The following APBA2 variants were observed in gnomAD, a reference collection of about 807,000 sequenced individuals.
APBA2 encodes the protein amyloid beta precursor protein binding family A member 2.
Under a neutral mutation model 75.0 loss-of-function variants are expected in APBA2, and 30 were observed. That is an observed-to-expected ratio of 0.40 (90% CI 0.30 to 0.54). The LOEUF (loss-of-function observed/expected upper bound fraction) is 0.54. Among genes scored for constraint, APBA2 ranks in the 20% least tolerant of loss-of-function variants. APBA2 has a pLI of 0.49. For missense variants in APBA2, 801 were observed against 1,016.1 expected (o/e 0.79, Z 2.88); for synonymous variants, 444 against 409.6 (o/e 1.08, Z -1.01).
rs55749257 is a variant in APBA2 at position 28,927,247 on chromosome 15, C to T, written c.-95+5498C>T. ...CCTCTATAGATAAGGTGTTTCCCTA[C>T]CCCGCTGGTCATTTGCCTTAGTCAT... On this transcript the variant is annotated intron_variant, in intron 2 of 14. Coordinates refer to ENST00000683413, the MANE Select transcript of APBA2 (RefSeq NM_001353788.2). 4.2e-3 allele frequency among the ~76,000 whole-genome samples: 632 copies of T among 152,168 alleles called. 5 individuals are homozygous for T. The highest frequency in any genetic ancestry group is 0.027 in the Middle Eastern group (8 of 294).
intron 3 of APBA2, among the ~76,000 whole-genome samples, chr15:29,023,671 G>A (rs1405778688): frequency 6.6e-6 from 1 of 151,726 alleles, no homozygotes; most frequent in Non-Finnish European, 1.5e-5. Flanking sequence ...GGCCAGGCTG[G>A]TCTTGAACTC....
chr15:29,080,811 G>A (rs527595495), intron 6 of APBA2, among the ~76,000 whole-genome samples: 2 of 152,288 alleles, frequency 1.3e-5, no homozygotes, highest in South Asian at 2.1e-4. Context: ...AAGCAATGGG[G>A]CCTAACAGTG....
At position 28,885,983 on chromosome 15, in the gene APBA2, G is replaced by C. The variant is rs1475940668; in HGVS notation, c.-500G>C. 3 of 151,130 alleles carry C rather than the reference G, an allele frequency of 2.0e-5. No homozygotes were observed. The highest frequency in any genetic ancestry group is 2.0e-4 in the Admixed American group (3 of 15,172). The allele number at this position is 151,130 out of a possible 1,614,324, so 9.4% of individuals were successfully genotyped here. A position where few individuals can be genotyped will look rare whatever the true frequency, so the allele number is the denominator to read the frequency against. On this transcript the variant is annotated 5_prime_UTR_variant, in exon 1 of 15. Coordinates refer to ENST00000683413, the MANE Select transcript of APBA2 (RefSeq NM_001353788.2). ...ATCGTTTTCCGGCCCCAGTGTGCCC[G>C]GCGCGGGTGAGGCGGAAGCGGCCGG... is the stretch of plus-strand genomic sequence containing the variant.
intron 2 of APBA2, among the ~76,000 whole-genome samples, chr15:28,978,035 CCAAA>C (rs2037432236): frequency 6.6e-6 from 1 of 152,148 alleles, no homozygotes; most frequent in Non-Finnish European, 1.5e-5. Flanking sequence ...ATGGGGAAAA[CCAAA>C]CAATCTCTCA....
intron 2 of APBA2, among the ~76,000 whole-genome samples, chr15:28,963,331 C>T (rs1041339875): frequency 3.3e-5 from 5 of 152,174 alleles, no homozygotes; most frequent in South Asian, 4.1e-4. Context: ...AGCTCAGGCC[C>T]GGCAGGGGCA....
intron 4 of APBA2, among the ~76,000 whole-genome samples, chr15:29,065,981 G>A (rs562638891): frequency 1.3e-5 from 2 of 152,318 alleles, no homozygotes; most frequent in South Asian, 2.1e-4. Context: ...CGGGTGTGAC[G>A]TCAGGGTGGA....
chr15:29,024,929 C>T (rs1019051010), intron 3 of APBA2, among the ~76,000 whole-genome samples: 14 of 152,110 alleles, frequency 9.2e-5, no homozygotes, highest in African/African-American at 3.4e-4. Flanking sequence ...GTGGACGGTT[C>T]CCATTCCACT....
chr15:29,075,041 T>C, intron 5 of APBA2, 40 bp downstream of exon 5: 2 of 1,447,508 alleles, frequency 1.4e-6, no homozygotes, highest in Non-Finnish European at 9.7e-7. Context: ...GCTGGAACAC[T>C]CATCTAATGA....
intron 2 of APBA2, among the ~76,000 whole-genome samples, chr15:28,942,924 G>A (rs2035318532): frequency 6.6e-6 from 1 of 152,228 alleles, no homozygotes; most frequent in African/African-American, 2.4e-5. Flanking sequence ...GCTCCTTCCT[G>A]GGCCTCGGTT....
intron 3 of APBA2, among the ~76,000 whole-genome samples, chr15:29,033,377 C>G (rs893216708): frequency 3.3e-5 from 5 of 152,100 alleles, no homozygotes; most frequent in African/African-American, 4.8e-5. Flanking sequence ...ATTAATAGTT[C>G]CCTGTGCCTT....
intron 2 of APBA2, among the ~76,000 whole-genome samples, chr15:28,925,568 T>G (rs983595072): frequency 6.6e-6 from 1 of 152,218 alleles, no homozygotes; most frequent in African/African-American, 2.4e-5. Context: ...AAAATACTTG[T>G]TAAGGTGTAC....
At chr15:29,064,229 C>G (rs1423237893) in intron 4 of APBA2, among the ~76,000 whole-genome samples, 1 of 152,148 alleles carries the variant, frequency 6.6e-6, no homozygotes, top group African/African-American at 2.4e-5. Context: ...GATAGCCAAG[C>G]CTCTCTTAAC....
rs73364799 is a variant in APBA2 at position 28,920,093 on chromosome 15, T to G, written c.-204-1547T>G. Among the ~76,000 whole-genome samples the G allele has an allele frequency of 5.1e-3, 769 of 152,248 alleles. 9 individuals are homozygous for G. The highest frequency in any genetic ancestry group is 0.018 in the African/African-American group (741 of 41,538). On this transcript the variant is annotated intron_variant, in intron 1 of 14. Transcript: ENST00000683413. ...TGCAGTCTATAAACTGTGTGCCCTC[T>G]CGGGGCCAGGTAGGAGCCTGAGAGG...
intron 2 of APBA2, among the ~76,000 whole-genome samples, chr15:28,984,298 G>A (rs1031002478): frequency 2.6e-5 from 4 of 152,052 alleles, no homozygotes; most frequent in Non-Finnish European, 5.9e-5. Flanking sequence ...GAGCCGGTGT[G>A]TGTTTCCCAC....
intron 2 of APBA2, among the ~76,000 whole-genome samples, chr15:28,922,376 G>A (rs758955276): frequency 2.0e-5 from 3 of 152,188 alleles, no homozygotes; most frequent in Non-Finnish European, 2.9e-5. Context: ...AGACACTGGT[G>A]GCCACCACAG....
At chr15:29,115,777 C>T (rs912537022) in intron 14 of APBA2, among the ~76,000 whole-genome samples, 44 of 152,172 alleles carry the variant, frequency 2.9e-4, no homozygotes, top group Admixed American at 2.6e-3. Flanking sequence ...GCAGCGGAAA[C>T]CTACATCGGC....
intron 2 of APBA2, among the ~76,000 whole-genome samples, chr15:28,994,658 T>C (rs2038414210): frequency 6.6e-6 from 1 of 152,180 alleles, no homozygotes; most frequent in South Asian, 2.1e-4. Flanking sequence ...GGAGGAAATT[T>C]CGTAATTATA....
chr15:29,009,469 A>G (rs968736646), intron 3 of APBA2, among the ~76,000 whole-genome samples: 1 of 152,178 alleles, frequency 6.6e-6, no homozygotes, highest in African/African-American at 2.4e-5. Flanking sequence ...ATTACCATGA[A>G]TATTTTCAAA....
intron 10 of APBA2, chr15:29,102,081 G>A: frequency 1.9e-6 from 1 of 535,152 alleles, no homozygotes; most frequent in Non-Finnish European, 3.4e-6. Context: ...TACTAAAAAT[G>A]AAGTTAATCT....
Sources: gnomAD v4.1 joint callset for allele counts (sites outside exome capture counted in the v4.1 genomes callset) on GRCh38, gnomAD v4.1.1 for gene constraint, MANE v1.5 for transcripts, NCBI Gene and HGNC (gene_info 2026-07-23, HGNC 2026-07-21) for gene names.